SBNO1: variants seen among roughly 807,000 people sequenced by gnomAD.
The protein encoded by SBNO1 is protein strawberry notch homolog 1.
SBNO1 carries 23 observed loss-of-function variants against 173.6 expected under a neutral mutation model. The ratio of observed to expected loss-of-function variants is 0.13; its 90% CI spans 0.10 to 0.19. The LOEUF is 0.19. SBNO1 is among the 10% of genes least tolerant of loss of function. The pLI is 1.00. For missense variants in SBNO1, 1,238 were observed against 1,671.2 expected (o/e 0.74, Z 4.52); for synonymous variants, 632 against 571.5 (o/e 1.11, Z -1.51).
At chr12:123,331,177 TG>T in intron 8 of SBNO1, 64 bp downstream of exon 8, 2 of 1,518,210 alleles carry the variant, frequency 1.3e-6, no homozygotes, top group Non-Finnish European at 1.8e-6. Context: ...TTAGCCAGGA[TG>T]GTCTCGATCT....
In SBNO1 at chr12:123,320,586, T is replaced by C. The variant is rs371938704; in HGVS notation, c.2513A>G (p.Asn838Ser). 17 of 1,613,422 alleles carry C rather than the reference T, an allele frequency of 1.1e-5. 1 individual carries two copies. The South Asian group carries it at 1.6e-4, about 16-fold the overall frequency. Residue 838 changes from asparagine to serine, a missense_variant, in exon 19 of 32, where the codon AAC (asparagine) becomes AGC (serine). Asn to Ser is a conservative substitution (Grantham distance 46). Coordinates refer to ENST00000602398, the MANE Select transcript of SBNO1 (RefSeq NM_001167856.3). Reference protein sequence around the residue: ...STPANSNTNSNSSLITSQDAV... With the variant: ...STPANSNTNSSSSLITSQDAV... Reference sequence around the variant, plus strand: ...ATCCTGACTTGTTATAAGGCTACTGTTACTGTTGGTGTTACTGTTAGCTAG... The same window carrying C: ...ATCCTGACTTGTTATAAGGCTACTGCTACTGTTGGTGTTACTGTTAGCTAG...
intron 15 of SBNO1, 34 bp downstream of exon 15, chr12:123,325,468 A>T: frequency 6.7e-7 from 1 of 1,492,764 alleles, no homozygotes; most frequent in East Asian, 2.3e-5. Context: ...GAACTCAAAA[A>T]GAAACAAAAA....
At chr12:123,347,969 G>T in intron 3 of SBNO1, 60 bp downstream of exon 3, 1 of 1,071,702 alleles carries the variant, frequency 9.3e-7, no homozygotes, top group South Asian at 1.3e-5. Context: ...ACCCGGCCAT[G>T]TTTTCTCACT....
rs1206787480 is a variant in SBNO1, at chr12:123,345,531, T to C, written c.277A>G (p.Ile93Val). The C allele has an allele frequency of 6.2e-7, 1 of 1,614,020 alleles. No individual in the cohort carries two copies. The highest frequency in any genetic ancestry group is 8.5e-7 in the Non-Finnish European group (1 of 1,180,036). The change falls in exon 4 of 32, where the codon ATA becomes GTA. Residue 93 changes from isoleucine to valine, a missense_variant. By Grantham distance (29) the Ile-to-Val change is conservative. Around this residue, in one of 14 missense-constraint regions of SBNO1, gnomAD observed 287 missense variants for 274.1 expected, o/e 1.05. Coordinates refer to ENST00000602398, the MANE Select transcript of SBNO1 (RefSeq NM_001167856.3). ...PSTTTFVLNQ[I>V]NHLPPLGSTI... ...GATCCCAAGGGTGGAAGATGATTTA[T>C]TTGATTCAGCACAAATGTTGTAGTA...
chr12:123,327,011 T>C (rs1870687498), intron 13 of SBNO1, among the ~76,000 whole-genome samples: 1 of 152,180 alleles, frequency 6.6e-6, no homozygotes, highest in South Asian at 2.1e-4. Flanking sequence ...TTTTTTGTTT[T>C]TGTTTTTGTT....
chr12:123,330,530 A>G lies in SBNO1; in HGVS notation c.1044-21T>C. On this transcript the variant is annotated intron_variant, in intron 8 of 31. Transcript: ENST00000602398. ...TAAACCTGCCAAAATATTAAAAAGC[A>G]CAAATTAAATACAAATTATATCATT... is the stretch of plus-strand genomic sequence containing the variant. 3 of 1,357,016 alleles carry G rather than the reference A, an allele frequency of 2.2e-6. No individual in the cohort carries two copies. In the South Asian group the frequency reaches 3.7e-5, roughly 17 times the overall value. 84.1% of individuals were successfully genotyped at this position (1,357,016 alleles called of 1,614,324 possible).
chr12:123,345,979 A>G (rs1369066242), intron 3 of SBNO1, among the ~76,000 whole-genome samples: 1 of 152,174 alleles, frequency 6.6e-6, no homozygotes, highest in Non-Finnish European at 1.5e-5. Context: ...AAATATTAGT[A>G]CTTCATTTCT....
At position 123,316,703 on chromosome 12, in the gene SBNO1, C is replaced by CTT. The variant is rs545944754; in HGVS notation, c.2935+516_2935+517dup. Among the ~76,000 whole-genome samples the CTT allele has an allele frequency of 2.9e-3, 359 of 123,852 alleles. 4 individuals carry two copies. Among genetic ancestry groups the CTT allele is most frequent in the South Asian group, 0.021 (84 of 4,026 alleles). The allele number at this position is 123,852 out of a possible 152,430, so 81.3% of individuals were successfully genotyped here. ...CCCAGCAAGTTTTTCTTTTCTTCTT[C>CTT]TTTTTTTTTTTTTTTTTGAGATGGA... On this transcript the variant is annotated intron_variant, in intron 21 of 31. Transcript: ENST00000602398.
intron 31 of SBNO1, 105 bp downstream of exon 31, chr12:123,297,873 A>C: frequency 4.0e-6 from 4 of 991,234 alleles, no homozygotes; most frequent in Non-Finnish European, 4.6e-6. Context: ...CACTACTGGA[A>C]GAGATGTTAG....
In SBNO1 at chr12:123,309,866, C is replaced by A. The variant is rs767409264; in HGVS notation, c.3296-10G>T. The A allele has an allele frequency of 1.3e-6, 2 of 1,563,728 alleles. No homozygotes were observed. Among genetic ancestry groups the A allele is most frequent in the Non-Finnish European group, 1.7e-6 (2 of 1,154,710 alleles). ...CCTATGTTGTTATAATCTGTAATGA[C>A]AAAAGATAAACGTTTTCATGCAAAT... On this transcript the variant is annotated splice_polypyrimidine_tract_variant and intron_variant, in intron 25 of 31. Transcript: ENST00000602398.
intron 24 of SBNO1, among the ~76,000 whole-genome samples, chr12:123,311,897 G>T (rs1246509679): frequency 1.3e-5 from 2 of 150,180 alleles, no homozygotes; most frequent in Non-Finnish European, 3.0e-5. Context: ...CACCGTGCCT[G>T]GCTAATTTTT....
rs1436711949 is a variant in SBNO1, at chr12:123,291,658, A to T, written c.*4250T>A. Reference sequence around the variant, plus strand: ...ACAGGAACAAATACTTTTCTAAATGAAAAGTTTTCCATACTTTTCTTAAAA... The same window carrying T: ...ACAGGAACAAATACTTTTCTAAATGTAAAGTTTTCCATACTTTTCTTAAAA... On this transcript the variant is annotated 3_prime_UTR_variant, in exon 32 of 32. Transcript: ENST00000602398. 2.0e-5 allele frequency: 3 copies of T among 147,978 alleles called. No individual in the cohort carries two copies. The highest frequency in any genetic ancestry group is 7.6e-5 in the African/African-American group (3 of 39,530). 9.2% of individuals were successfully genotyped at this position (147,978 alleles called of 1,614,324 possible). A position where few individuals can be genotyped will look rare whatever the true frequency, so the allele number is the denominator to read the frequency against.
At chr12:123,324,549 T>C (rs1870386133) in intron 15 of SBNO1, among the ~76,000 whole-genome samples, 1 of 152,098 alleles carries the variant, frequency 6.6e-6, no homozygotes, top group Non-Finnish European at 1.5e-5. Flanking sequence ...CTCAAACTCC[T>C]GAGCTCTCGT....
chr12:123,336,817 C>CA lies in SBNO1; in HGVS notation c.652-327dup, dbSNP rs1228853470. Among the ~76,000 whole-genome samples, 5 of 152,188 alleles carry CA rather than the reference C, an allele frequency of 3.3e-5. No individual in the cohort carries two copies. In the East Asian group the frequency reaches 9.6e-4, roughly 29 times the overall value. Reference sequence around the variant, plus strand: ...TGATGCCCAGAACTCTCTCTGCACTCAGACTTCGCCTTCATTCTAGTTCCA... The same window carrying CA: ...TGATGCCCAGAACTCTCTCTGCACTCAAGACTTCGCCTTCATTCTAGTTCCA... On this transcript the variant is annotated intron_variant, in intron 5 of 31. Coordinates refer to ENST00000602398, the MANE Select transcript of SBNO1 (RefSeq NM_001167856.3).
At chr12:123,346,956 T>C (rs1019103362) in intron 3 of SBNO1, among the ~76,000 whole-genome samples, 1 of 150,328 alleles carries the variant, frequency 6.7e-6, no homozygotes, top group East Asian at 2.0e-4. Flanking sequence ...TGGGCGCCTA[T>C]AGTCCCAGCT....
Position 123,324,320 on chromosome 12 carries a change from TTTTC to T in SBNO1, c.1974-493_1974-490del, listed in dbSNP as rs1219805987. Among the ~76,000 whole-genome samples, 5 of 73,920 alleles carry T rather than the reference TTTTC, an allele frequency of 6.8e-5. No individual in the cohort carries two copies. In the East Asian group the frequency reaches 1.5e-3, roughly 22 times the overall value. 48.5% of individuals were successfully genotyped at this position (73,920 alleles called of 152,430 possible). On this transcript the variant is annotated intron_variant, in intron 15 of 31. Coordinates refer to ENST00000602398, the MANE Select transcript of SBNO1 (RefSeq NM_001167856.3). ...AGATTAGCAGGTGTATGTCTTGCTTTTTTCTTTTTTTTTTTTTTTTTGAGACCGA... is the reference window on the plus strand; with the variant it reads ...AGATTAGCAGGTGTATGTCTTGCTTTTTTTTTTTTTTTTTTTTGAGACCGA...
At chr12:123,329,743 G>A (rs1332809974) in intron 9 of SBNO1, among the ~76,000 whole-genome samples, 2 of 152,212 alleles carry the variant, frequency 1.3e-5, no homozygotes, top group Middle Eastern at 3.4e-3. Flanking sequence ...TTCAACTTAG[G>A]ACTCACATGG....
chr12:123,325,375 A>C, intron 15 of SBNO1, 127 bp downstream of exon 15: 1 of 650,062 alleles, frequency 1.5e-6, no homozygotes, highest in Middle Eastern at 2.6e-4. Flanking sequence ...CAGAAAACTC[A>C]GATCAAGAAA....
intron 16 of SBNO1, 26 bp from the exon 17 acceptor site, chr12:123,321,758 T>C: frequency 6.3e-7 from 1 of 1,585,718 alleles, no homozygotes; most frequent in Non-Finnish European, 8.7e-7. Flanking sequence ...AACAAGAGAG[T>C]CAGCCCAAAT....
Sources: allele counts gnomAD v4.1 joint callset (sites outside exome capture counted in the v4.1 genomes callset), GRCh38; gene constraint gnomAD v4.1.1; regional missense constraint gnomAD v4.1.1; transcripts MANE v1.5; gene names NCBI Gene and HGNC (gene_info 2026-07-23, HGNC 2026-07-21).